LINGO2: variants seen among roughly 807,000 people sequenced by gnomAD.
LINGO2 encodes leucine rich repeat and Ig domain containing 2, also known as leucine-rich repeat and immunoglobulin-like domain-containing nogo receptor-interacting protein 2.
A neutral mutation model predicts 30.6 loss-of-function variants in LINGO2; 14 were observed. The ratio of observed to expected loss-of-function variants is 0.46; its 90% CI spans 0.30 to 0.72. The LOEUF (loss-of-function observed/expected upper bound fraction) is 0.72. LINGO2 is among the 30% of genes least tolerant of loss of function. LINGO2 has a pLI of 0.07. For missense variants in LINGO2, 729 were observed against 751.7 expected, an observed-to-expected ratio of 0.97 and a Z score of 0.35; for synonymous variants, 317 against 288.5, an observed-to-expected ratio of 1.10 and a Z score of -1.00.
At chr9:28,936,499 T>C in the LINGO2 span, among the ~76,000 whole-genome samples, 1 of 152,170 alleles carries the variant, frequency 6.6e-6, no homozygotes, top group Admixed American at 6.5e-5. Context: ...TATCACTTAA[T>C]GGACAATAAA....
At chr9:28,646,923 C>A (rs899429143) in intron 1 of LINGO2, among the ~76,000 whole-genome samples, 20 of 152,172 alleles carry the variant, frequency 1.3e-4, no homozygotes, top group African/African-American at 4.6e-4. Context: ...ATGAGCTAAT[C>A]ACCGAATGCA....
At chr9:28,640,144 T>C (rs1328915678) in intron 1 of LINGO2, among the ~76,000 whole-genome samples, 1 of 152,158 alleles carries the variant, frequency 6.6e-6, no homozygotes, top group Admixed American at 6.5e-5. Context: ...TGTTGACTAG[T>C]GGCCCCCACT....
intron 2 of LINGO2, among the ~76,000 whole-genome samples, chr9:28,446,893 T>C (rs1824443526): frequency 6.6e-6 from 1 of 152,224 alleles, no homozygotes; most frequent in East Asian, 1.9e-4. Flanking sequence ...AGGAAGCCTC[T>C]ATGCTCCCTC....
chr9:28,745,208 C>A, the LINGO2 span, among the ~76,000 whole-genome samples: 2 of 152,034 alleles, frequency 1.3e-5, no homozygotes, highest in African/African-American at 4.8e-5. Context: ...AGCCTTCTTC[C>A]TATGGGTTGC....
At chr9:28,743,336 G>A in the LINGO2 span, among the ~76,000 whole-genome samples, 888 of 151,702 alleles carry the variant, frequency 5.9e-3, 16 homozygotes, top group African/African-American at 0.021. Context: ...CCTCCCCTAG[G>A]CCCCCATCCC....
At chr9:28,942,351 T>C in the LINGO2 span, among the ~76,000 whole-genome samples, 1 of 152,166 alleles carries the variant, frequency 6.6e-6, no homozygotes, top group Non-Finnish European at 1.5e-5. Context: ...AAGCAAGTGC[T>C]CAGAAGTGAG....
At chr9:28,797,273 T>C in the LINGO2 span, among the ~76,000 whole-genome samples, 1 of 148,468 alleles carries the variant, frequency 6.7e-6, no homozygotes, top group Non-Finnish European at 1.5e-5. Context: ...AGAATTCATA[T>C]CTATATGAAT....
At chr9:29,050,091 T>C in the LINGO2 span, among the ~76,000 whole-genome samples, 2 of 152,046 alleles carry the variant, frequency 1.3e-5, no homozygotes, top group Admixed American at 1.3e-4. Flanking sequence ...AGTGGTACAA[T>C]CTCGGCTCAC....
At chr9:28,674,577 T>C (rs922096223), upstream of LINGO2, among the ~76,000 whole-genome samples, 30 of 152,160 alleles carry the variant, frequency 2.0e-4, no homozygotes, top group African/African-American at 7.2e-4. Context: ...CATTTTATAG[T>C]GATTCTCACA....
the LINGO2 span, among the ~76,000 whole-genome samples, chr9:29,183,132 C>T: frequency 6.6e-5 from 10 of 152,094 alleles, no homozygotes; most frequent in South Asian, 2.1e-4. Flanking sequence ...AACTTGTAAA[C>T]GATAAAATAG....
intron 4 of LINGO2, among the ~76,000 whole-genome samples, chr9:28,069,105 A>G (rs906542184): frequency 2.6e-5 from 4 of 152,154 alleles, no homozygotes; most frequent in African/African-American, 9.7e-5. Flanking sequence ...GGACGTGCAG[A>G]GTGTTTTTGG....
chr9:28,278,565 C>A (rs1305799791), intron 4 of LINGO2, among the ~76,000 whole-genome samples: 2 of 152,162 alleles, frequency 1.3e-5, no homozygotes, highest in African/African-American at 4.8e-5. Context: ...GTGAACAAAA[C>A]AACAAAGCCT....
chr9:28,700,697 G>T, the LINGO2 span, among the ~76,000 whole-genome samples: 1 of 152,050 alleles, frequency 6.6e-6, no homozygotes, highest in Non-Finnish European at 1.5e-5. Flanking sequence ...TGTATGGTAA[G>T]ATATGTTTCA....
At chr9:28,833,054 T>A in the LINGO2 span, among the ~76,000 whole-genome samples, 2 of 152,094 alleles carry the variant, frequency 1.3e-5, no homozygotes, top group African/African-American at 2.4e-5. Flanking sequence ...AAGCATAGAA[T>A]CTTATAGTTT....
chr9:28,082,956 C>A (rs567276692), intron 4 of LINGO2, among the ~76,000 whole-genome samples: 1 of 152,258 alleles, frequency 6.6e-6, no homozygotes, highest in Middle Eastern at 3.4e-3. Flanking sequence ...TCATTATTGT[C>A]CCCTCCTCCA....
rs1240971502 is a variant in LINGO2, at chr9:28,329,533, TG to T, written c.-245-34168del. Among the ~76,000 whole-genome samples the T allele has an allele frequency of 2.0e-5, 3 of 152,154 alleles. No homozygotes were observed. The highest frequency in any genetic ancestry group is 4.4e-5 in the Non-Finnish European group (3 of 68,036). On this transcript the variant is annotated intron_variant, in intron 3 of 5. Transcript: ENST00000379992. The surrounding 1 kb of genome is among the most constrained non-coding windows in gnomAD (Gnocchi z 4.5). ...ATGATAATTGACTCCTGGTACAACA[TG>T]CATGTTCAGACTTGTTTGAGCCAGG...
the LINGO2 span, among the ~76,000 whole-genome samples, chr9:28,921,185 C>T: frequency 6.6e-6 from 1 of 152,078 alleles, no homozygotes; most frequent in South Asian, 2.1e-4. Context: ...AAATGTTAAT[C>T]TTTTATTAAG....
chr9:28,475,272 T>C (rs946333649), intron 2 of LINGO2, among the ~76,000 whole-genome samples: 1 of 152,172 alleles, frequency 6.6e-6, no homozygotes, highest in Non-Finnish European at 1.5e-5. Flanking sequence ...TGAAGTAGCA[T>C]GGCATCTCAG....
At chr9:29,171,477 C>T in the LINGO2 span, among the ~76,000 whole-genome samples, 11 of 151,984 alleles carry the variant, frequency 7.2e-5, no homozygotes, top group South Asian at 4.2e-4. Flanking sequence ...TTTGGATTTC[C>T]GTCAGTTGCT....
Sources: allele counts gnomAD v4.1 joint callset (sites outside exome capture counted in the v4.1 genomes callset), GRCh38; gene constraint gnomAD v4.1.1; non-coding constraint Gnocchi (gnomAD v3.1); transcripts MANE v1.5; gene names NCBI Gene and HGNC (gene_info 2026-07-23, HGNC 2026-07-21).